HEATR9: variants seen among roughly 807,000 people sequenced by gnomAD.
The protein encoded by HEATR9 is HEAT repeat containing 9.
A neutral mutation model predicts 68.2 loss-of-function variants in HEATR9; 54 were observed. The observed-to-expected ratio is 0.79, with a 90% CI of 0.64 to 0.99. The LOEUF (loss-of-function observed/expected upper bound fraction) is 0.99. Ranked by LOEUF, HEATR9 falls within the 50% of genes least tolerant of loss-of-function variation. The pLI is 0.00. For missense variants in HEATR9, 662 were observed against 679.7 expected, an observed-to-expected ratio of 0.97 and a Z score of 0.29; for synonymous variants, 241 against 253.5, an observed-to-expected ratio of 0.95 and a Z score of 0.47.
chr17:35,864,114 C>T (rs767322910), intron 6 of HEATR9, 132 bp downstream of exon 6: 1 of 698,586 alleles, frequency 1.4e-6, no homozygotes, highest in Non-Finnish European at 2.6e-6. Context: ...TCATGCTGCA[C>T]AGTGGTGGCT....
At chr17:35,868,563 T>G in intron 1 of HEATR9, 92 bp downstream of exon 1, 2 of 1,569,256 alleles carry the variant, frequency 1.3e-6, no homozygotes, top group East Asian at 4.5e-5. Flanking sequence ...TTTGCTGAAC[T>G]CACCTAGACC....
chr17:35,862,828 G>T, intron 8 of HEATR9, 167 bp downstream of exon 8: 2 of 906,054 alleles, frequency 2.2e-6, no homozygotes, highest in Non-Finnish European at 3.3e-6. Context: ...ACTAGTAAGT[G>T]GCCAAGCCAT....
At chr17:35,858,118 T>C in intron 11 of HEATR9, 82 bp downstream of exon 11, 1 of 1,572,924 alleles carries the variant, frequency 6.4e-7, no homozygotes, top group Non-Finnish European at 8.7e-7. Flanking sequence ...GATACTTCGG[T>C]GGAGGCCAGG....
intron 11 of HEATR9, among the ~76,000 whole-genome samples, chr17:35,857,470 ACACCT>A (rs2087813933): frequency 6.6e-6 from 1 of 152,102 alleles, no homozygotes; most frequent in South Asian, 2.1e-4. Context: ...TAGAAATATA[ACACCT>A]AGGGCCGGGC....
chr17:35,863,399 G>T, intron 7 of HEATR9, 103 bp downstream of exon 7: 1 of 1,279,866 alleles, frequency 7.8e-7, no homozygotes, highest in Non-Finnish European at 1.1e-6. Flanking sequence ...CTTGCCAAAT[G>T]GTAGGTTGGA....
rs1200950814 is a variant in HEATR9, at chr17:35,865,346, C to T, written c.189G>A (p.Pro63=). ...AGTACGGGACTGAGTTTGGCTTGCT[C>T]GGATGCTGCCTCCAGCACTCTGGAC... ...PPSPECWRQH[P]SKPNSVPYCY... The change falls in exon 3 of 15, where the codon CCG becomes CCA. Residue 63 remains proline, a synonymous_variant. Coordinates refer to ENST00000604834, the MANE Select transcript of HEATR9 (RefSeq NM_152781.4). 11 of 1,613,670 alleles carry T rather than the reference C, an allele frequency of 6.8e-6. No individual in the cohort carries two copies. Among genetic ancestry groups the T allele is most frequent in the African/African-American group, 2.7e-5 (2 of 74,856 alleles).
At chr17:35,863,406 T>TG in intron 7 of HEATR9, 96 bp downstream of exon 7, 1 of 1,314,062 alleles carries the variant, frequency 7.6e-7, no homozygotes, top group South Asian at 1.2e-5. Context: ...AATGGTAGGT[T>TG]GGAGCAAGTG....
chr17:35,863,991 C>T, intron 6 of HEATR9: 2 of 562,690 alleles, frequency 3.6e-6, no homozygotes, highest in African/African-American at 1.9e-5. Flanking sequence ...TTCAGACTTT[C>T]CTGGCTTTTC....
intron 2 of HEATR9, 40 bp from the exon 3 acceptor site, chr17:35,865,436 T>C: frequency 1.9e-6 from 3 of 1,563,308 alleles, no homozygotes; most frequent in Non-Finnish European, 2.6e-6. Context: ...AGGGGTCCCC[T>C]AGGCCCTTAC....
chr17:35,857,033 C>G (rs1012720513), intron 11 of HEATR9, among the ~76,000 whole-genome samples: 5 of 151,984 alleles, frequency 3.3e-5, no homozygotes, highest in Non-Finnish European at 7.4e-5. Context: ...GGAAGACTTC[C>G]TGGAAGAGGT....
Position 35,855,687 on chromosome 17 carries a change from T to C in HEATR9, c.1342A>G (p.Asn448Asp). The change falls in exon 14 of 15, where the codon AAC (asparagine) becomes GAC (aspartate). Residue 448 changes from asparagine (N) to aspartate (D), a missense_variant. Physicochemically the swap from Asn to Asp is conservative, Grantham distance 23. Coordinates refer to ENST00000604834, the MANE Select transcript of HEATR9 (RefSeq NM_152781.4). ...ACACTCTTCTTCACAGCCTGGTGGTTTTCTGCATCTAGTAAGTCCAGGAGC... is the reference window on the plus strand; with the variant it reads ...ACACTCTTCTTCACAGCCTGGTGGTCTTCTGCATCTAGTAAGTCCAGGAGC... The part of the protein sequence containing the change: ...HLLLDLLDAE[N>D]HQAVKKSLQE... The C allele has an allele frequency of 6.2e-7, 1 of 1,614,036 alleles. No homozygotes were observed. The highest frequency in any genetic ancestry group is 8.5e-7 in the Non-Finnish European group (1 of 1,179,994).
intron 7 of HEATR9, 58 bp from the exon 8 acceptor site, chr17:35,863,183 A>G: frequency 6.2e-7 from 1 of 1,607,268 alleles, no homozygotes. Context: ...CCTCTCTGCA[A>G]GGACCCATTG....
In HEATR9 at chr17:35,863,016, C is replaced by G; in HGVS notation, c.735G>C (p.Trp245Cys). ...TCACCTTGTCTTTAGAGACAGCAGC[C>G]CAGGAGTTAAGAGCCATTCGTAGCC... ...LTGLRMALNS[W>C]AAVSKDKRTQ... The change falls in exon 8 of 15, where the codon TGG becomes TGC. Residue 245 changes from tryptophan (W) to cysteine (C), a missense_variant. Coordinates refer to ENST00000604834, the MANE Select transcript of HEATR9 (RefSeq NM_152781.4). The G allele has an allele frequency of 6.2e-7, 1 of 1,614,174 alleles. No individual in the cohort carries two copies. The highest frequency in any genetic ancestry group is 8.5e-7 in the Non-Finnish European group (1 of 1,180,024).
At position 35,863,088 on chromosome 17, in the gene HEATR9, T is replaced by C. The variant is rs199724747; in HGVS notation, c.663A>G (p.Lys221=). 1.2e-5 allele frequency: 20 copies of C among 1,614,186 alleles called. No individual in the cohort carries two copies. In the Admixed American group the frequency reaches 2.3e-4, roughly 19 times the overall value. Residue 221 remains lysine (K), a synonymous_variant, in exon 8 of 15, where the codon AAA becomes AAG. Coordinates refer to ENST00000604834, the MANE Select transcript of HEATR9 (RefSeq NM_152781.4). ...GACCCTCATTTTTCTCCTTCAGCTGTTTGATGAGAGCCCGGATCACATGCT... is the reference window on the plus strand; with the variant it reads ...GACCCTCATTTTTCTCCTTCAGCTGCTTGATGAGAGCCCGGATCACATGCT... ...LNKHVIRALI[K]QLKEKNEGQR...
At chr17:35,864,351 C>A in intron 5 of HEATR9, 49 bp from the exon 6 acceptor site, 1 of 1,545,650 alleles carries the variant, frequency 6.5e-7, no homozygotes, top group South Asian at 1.1e-5. Context: ...GACATCATCC[C>A]CAGGAGTTAC....
chr17:35,863,208 AT>A, intron 7 of HEATR9, 83 bp from the exon 8 acceptor site: 2 of 1,572,102 alleles, frequency 1.3e-6, no homozygotes, highest in South Asian at 2.2e-5. Flanking sequence ...CCACTGTGCC[AT>A]CGAGACCTAA....
At chr17:35,862,412 A>G (rs539036699) in intron 8 of HEATR9, among the ~76,000 whole-genome samples, 1 of 152,372 alleles carries the variant, frequency 6.6e-6, no homozygotes, top group South Asian at 2.1e-4. Context: ...AAAGGAGAAA[A>G]AAACAGTAGG....
intron 11 of HEATR9, among the ~76,000 whole-genome samples, chr17:35,857,386 C>A (rs2087809745): frequency 6.6e-6 from 1 of 152,150 alleles, no homozygotes; most frequent in South Asian, 2.1e-4. Context: ...AAGCCATCCA[C>A]AGGGCATTGG....
At chr17:35,868,123 G>A (rs2088274654) in intron 1 of HEATR9, among the ~76,000 whole-genome samples, 1 of 152,182 alleles carries the variant, frequency 6.6e-6, no homozygotes, top group African/African-American at 2.4e-5. Context: ...TGCTGGTCAT[G>A]GGATCACGCT....
Sources: allele counts gnomAD v4.1 joint callset (sites outside exome capture counted in the v4.1 genomes callset), GRCh38; gene constraint gnomAD v4.1.1; transcripts MANE v1.5; gene names NCBI Gene and HGNC (gene_info 2026-07-23, HGNC 2026-07-21).